Variants in R3HCC1L observed in about 807,000 individuals in gnomAD.
The protein encoded by R3HCC1L is coiled-coil domain-containing protein R3HCC1L.
Under a neutral mutation model 59.9 loss-of-function variants are expected in R3HCC1L, and 51 were observed. That is an observed-to-expected ratio of 0.85 (90% confidence interval 0.68 to 1.07). The LOEUF (loss-of-function observed/expected upper bound fraction) is 1.07, where lower values mean the gene tolerates loss of function less well. Among genes scored for constraint, R3HCC1L ranks in the 50% least tolerant of loss-of-function variants. The pLI, the probability that R3HCC1L is intolerant of heterozygous loss-of-function variation, is 0.00. For synonymous variants in R3HCC1L, 322 were observed against 315.2 expected, an observed-to-expected ratio of 1.02 and a Z score of -0.23; for missense variants, 965 against 933.0, an observed-to-expected ratio of 1.03 and a Z score of -0.45.
At chr10:98,156,417 C>A (rs181879025) in intron 2 of R3HCC1L, among the ~76,000 whole-genome samples, 3 of 152,124 alleles carry the variant, frequency 2.0e-5, no homozygotes, top group Admixed American at 6.5e-5. Context: ...GAGTCCCATT[C>A]GCTGGTATTC....
In R3HCC1L at chr10:98,209,900, G is replaced by A. The variant is rs867407382; in HGVS notation, c.1785+1G>A. On this transcript the variant is annotated splice_donor_variant, in intron 5 of 9. Coordinates refer to ENST00000298999, the MANE Select transcript of R3HCC1L (RefSeq NM_001351015.2). LOFTEE classifies it high-confidence loss of function. ...CCTGGATCCACGTCTTCTACAAGAG[G>A]TATGTTTAATTGAAATTGCTTGATG... 2.6e-5 allele frequency: 41 copies of A among 1,600,472 alleles called. No homozygotes were observed. The highest frequency in any genetic ancestry group is 3.4e-5 in the Non-Finnish European group (40 of 1,171,482).
chr10:98,146,558 A>G (rs1406132899), intron 1 of R3HCC1L, among the ~76,000 whole-genome samples: 1 of 152,232 alleles, frequency 6.6e-6, no homozygotes, highest in African/African-American at 2.4e-5. Flanking sequence ...GTGAGAACAC[A>G]TGATATTTGT....
intron 4 of R3HCC1L, among the ~76,000 whole-genome samples, chr10:98,206,679 TA>T (rs748038844): frequency 6.6e-6 from 1 of 152,220 alleles, no homozygotes; most frequent in African/African-American, 2.4e-5. Context: ...CATCATTTTA[TA>T]TCCAGAAGTT....
chr10:98,183,072 T>A (rs1849816116), intron 4 of R3HCC1L, among the ~76,000 whole-genome samples: 1 of 152,150 alleles, frequency 6.6e-6, no homozygotes, highest in Admixed American at 6.5e-5. Flanking sequence ...CCCAATGAGA[T>A]GAACCAGGTA....
chr10:98,195,623 A>C (rs1049977637), intron 4 of R3HCC1L, among the ~76,000 whole-genome samples: 1 of 152,108 alleles, frequency 6.6e-6, no homozygotes, highest in Non-Finnish European at 1.5e-5. Context: ...AGCTATTAAA[A>C]CTTTTCCTAA....
intron 1 of R3HCC1L, among the ~76,000 whole-genome samples, chr10:98,137,800 T>A (rs1415099974): frequency 6.6e-6 from 1 of 152,248 alleles, no homozygotes; most frequent in Non-Finnish European, 1.5e-5. Context: ...ACATTGTAGC[T>A]TGTAGCAGAG....
chr10:98,163,041 TG>T (rs1847601377), intron 3 of R3HCC1L, 66 bp downstream of exon 3: 1 of 178,766 alleles, frequency 5.6e-6, no homozygotes, highest in Admixed American at 6.2e-5. Context: ...CTCTTTTTTT[TG>T]TTGACAGTCA....
intron 4 of R3HCC1L, among the ~76,000 whole-genome samples, chr10:98,166,734 C>T (rs775185095): frequency 3.3e-5 from 5 of 152,230 alleles, no homozygotes; most frequent in South Asian, 2.1e-4. Context: ...TTTACTCTCT[C>T]GGCTTACTGC....
chr10:98,173,053 C>T (rs1055306026), intron 4 of R3HCC1L, among the ~76,000 whole-genome samples: 11 of 151,948 alleles, frequency 7.2e-5, no homozygotes. Flanking sequence ...AAAATTTTTA[C>T]CTAGATTGTT....
Position 98,163,414 on chromosome 10 carries a change from T to G in R3HCC1L, c.-15+17T>G, listed in dbSNP as rs1847636746. On this transcript the variant is annotated intron_variant, in intron 4 of 9. Transcript: ENST00000298999. ...ACTTACATGGTAAGTTGCCTTTACTTATGCATATTTTATAGAAATACTGTC... is the reference window on the plus strand; with the variant it reads ...ACTTACATGGTAAGTTGCCTTTACTGATGCATATTTTATAGAAATACTGTC... 2 of 1,284,776 alleles carry G rather than the reference T, an allele frequency of 1.6e-6. No individual in the cohort carries two copies. The highest frequency in any genetic ancestry group is 3.0e-5 in the African/African-American group (2 of 66,226). 79.6% of individuals were successfully genotyped at this position (1,284,776 alleles called of 1,614,324 possible). A position where few individuals can be genotyped will look rare whatever the true frequency, so the allele number is the denominator to read the frequency against.
At chr10:98,185,913 T>A (rs569314754) in intron 4 of R3HCC1L, among the ~76,000 whole-genome samples, 1 of 152,328 alleles carries the variant, frequency 6.6e-6, no homozygotes, top group South Asian at 2.1e-4. Flanking sequence ...CATTTGTATG[T>A]GTTGTTTTAA....
chr10:98,136,473 T>C (rs1322353249), intron 1 of R3HCC1L, among the ~76,000 whole-genome samples: 1 of 152,160 alleles, frequency 6.6e-6, no homozygotes, highest in Non-Finnish European at 1.5e-5. Flanking sequence ...AAACATGAAA[T>C]TGATTTAGGT....
At chr10:98,231,215 A>G (rs1421730772) in intron 5 of R3HCC1L, among the ~76,000 whole-genome samples, 1 of 152,162 alleles carries the variant, frequency 6.6e-6, no homozygotes, top group Non-Finnish European at 1.5e-5. Context: ...ATAACTCACA[A>G]CAGTATTCAG....
chr10:98,150,561 C>G (rs1846052422), intron 1 of R3HCC1L, among the ~76,000 whole-genome samples: 1 of 151,872 alleles, frequency 6.6e-6, no homozygotes, highest in Non-Finnish European at 1.5e-5. Context: ...CTTTTCGGCA[C>G]CAGCTGTCAC....
chr10:98,230,956 G>A (rs1196754359), intron 5 of R3HCC1L: 5 of 350,418 alleles, frequency 1.4e-5, no homozygotes, highest in Admixed American at 1.4e-4. Flanking sequence ...AGGACATTAA[G>A]TATAACTACT....
At chr10:98,238,331 T>G (rs1395206072) in intron 9 of R3HCC1L, among the ~76,000 whole-genome samples, 2 of 152,216 alleles carry the variant, frequency 1.3e-5, no homozygotes, top group Admixed American at 1.3e-4. Flanking sequence ...GATGGCAAGA[T>G]TTTGTTCCTC....
intron 5 of R3HCC1L, among the ~76,000 whole-genome samples, chr10:98,225,728 T>C (rs2135533934): frequency 6.6e-6 from 1 of 152,344 alleles, no homozygotes; most frequent in African/African-American, 2.4e-5. Context: ...AGATGTTTAA[T>C]AGGTACCTCG....
intron 4 of R3HCC1L, among the ~76,000 whole-genome samples, chr10:98,185,433 T>C (rs1488301970): frequency 6.6e-6 from 1 of 152,170 alleles, no homozygotes; most frequent in East Asian, 1.9e-4. Context: ...CCCAGTCTTA[T>C]CTAGAATGAT....
intron 5 of R3HCC1L, among the ~76,000 whole-genome samples, chr10:98,228,200 C>T (rs540160473): frequency 9.2e-5 from 14 of 152,242 alleles, no homozygotes; most frequent in Non-Finnish European, 1.8e-4. Context: ...GTCCCACCAA[C>T]AGTGTAAAAG....
Sources: allele counts gnomAD v4.1 joint callset (sites outside exome capture counted in the v4.1 genomes callset), GRCh38; gene constraint gnomAD v4.1.1; transcripts MANE v1.5; gene names NCBI Gene and HGNC (gene_info 2026-07-23, HGNC 2026-07-21).